The following KCNQ1OT1 variants were observed in gnomAD, a reference collection of about 807,000 sequenced individuals.
KCNQ1OT1 encodes the protein KCNQ1 antisense RNA 2 (non-protein coding).
exon 1 of KCNQ1OT1, chr11:2,655,836 C>A (rs1849837181): frequency 5.0e-6 from 2 of 398,662 alleles, no homozygotes; most frequent in Non-Finnish European, 8.8e-6. Context: ...CAGACAATAA[C>A]CTCTCCTCTT....
rs755636857 is a variant in KCNQ1OT1, at chr11:2,670,288, CATAGGTGCCCA to C, written n.29696_29706del. 30 of 398,456 alleles carry C rather than the reference CATAGGTGCCCA, an allele frequency of 7.5e-5. No homozygotes were observed. Among genetic ancestry groups the C allele is most frequent in the Admixed American group, 7.5e-4 (17 of 22,712 alleles). The allele number at this position is 398,456 out of a possible 1,614,324, so 24.7% of individuals were successfully genotyped here. ...CATGGTAGCTTGTCTCTAGGCAACCCATAGGTGCCCAATGGAGAGATAATCTCAAATATGGT... is the reference window on the plus strand; with the variant it reads ...CATGGTAGCTTGTCTCTAGGCAACCCATGGAGAGATAATCTCAAATATGGT... On this transcript the variant is annotated non_coding_transcript_exon_variant, in exon 1 of 1. Transcript: ENST00000597346. The surrounding 1 kb of genome is among the most constrained non-coding windows in gnomAD (Gnocchi z 4.9).
exon 1 of KCNQ1OT1, chr11:2,689,336 G>A (rs576569005): frequency 5.0e-6 from 2 of 398,692 alleles, no homozygotes; most frequent in African/African-American, 4.1e-5. Flanking sequence ...CCTATCCGCA[G>A]AGCTTGAGGC....
chr11:2,647,746 A>C lies in KCNQ1OT1; in HGVS notation n.52249T>G, dbSNP rs1013886119. 4.0e-5 allele frequency: 16 copies of C among 398,150 alleles called. No homozygotes were observed. Among genetic ancestry groups the C allele is most frequent in the South Asian group, 1.3e-4 (1 of 7,858 alleles). 24.7% of individuals were successfully genotyped at this position (398,150 alleles called of 1,614,324 possible). On this transcript the variant is annotated non_coding_transcript_exon_variant, in exon 1 of 1. Transcript: ENST00000597346. The surrounding 1 kb of genome is among the most constrained non-coding windows in gnomAD (Gnocchi z 4.0). ...GGAGGTTATATATGTCCAGGAATTT[A>C]TCTCTTTCCTCTAGGTTTTCTAATT...
Position 2,662,557 on chromosome 11 carries a change from CCT to C in KCNQ1OT1, n.37436_37437del, listed in dbSNP as rs1397198046. ...TTCCACGCCTTCCAGTTGGCCTTCC[CCT>C]GAGGCACAGCTGGCCTGGGATGCAT... On this transcript the variant is annotated non_coding_transcript_exon_variant, in exon 1 of 1. Coordinates refer to ENST00000597346, the Ensembl canonical transcript of KCNQ1OT1. The C allele has an allele frequency of 9.3e-6, 4 of 428,480 alleles. No individual in the cohort carries two copies. The South Asian group carries it at 3.5e-4, about 37-fold the overall frequency. The allele number at this position is 428,480 out of a possible 1,614,324, so 26.5% of individuals were successfully genotyped here.
In KCNQ1OT1 at chr11:2,653,997, C is replaced by T. The variant is rs1849797498; in HGVS notation, n.45998G>A. On this transcript the variant is annotated non_coding_transcript_exon_variant, in exon 1 of 1. Coordinates refer to ENST00000597346, the Ensembl canonical transcript of KCNQ1OT1. The surrounding 1 kb of genome is among the most constrained non-coding windows in gnomAD (Gnocchi z 5.3). ...GTATTTTCCTAAGCGGAACTGGGTGCCAGCTGTGAATATACATTTTCACTC... is the reference window on the plus strand; with the variant it reads ...GTATTTTCCTAAGCGGAACTGGGTGTCAGCTGTGAATATACATTTTCACTC... 2.5e-6 allele frequency: 1 copy of T among 398,636 alleles called. No homozygotes were observed. The highest frequency in any genetic ancestry group is 4.4e-6 in the Non-Finnish European group (1 of 226,076). 24.7% of individuals were successfully genotyped at this position (398,636 alleles called of 1,614,324 possible).
At chr11:2,640,298 C>G in exon 1 of KCNQ1OT1, 2 of 398,286 alleles carry the variant, frequency 5.0e-6, no homozygotes, top group Non-Finnish European at 8.8e-6. Flanking sequence ...TTCTGCGTCA[C>G]TCACGCTGGG....
At position 2,643,510 on chromosome 11, in the gene KCNQ1OT1, T is replaced by G. The variant is rs1849612112; in HGVS notation, n.56485A>C. 1.3e-5 allele frequency: 5 copies of G among 398,520 alleles called. No individual in the cohort carries two copies. In the South Asian group the frequency reaches 6.4e-4, roughly 51 times the overall value. The allele number at this position is 398,520 out of a possible 1,614,324, so 24.7% of individuals were successfully genotyped here. ...TTTGTTTCCTTTTGCATGTAATATC[T>G]TTTCCCATTCCTTTCTTTCAACTAT... is the stretch of plus-strand genomic sequence containing the variant. On this transcript the variant is annotated non_coding_transcript_exon_variant, in exon 1 of 1. Transcript: ENST00000597346.
exon 1 of KCNQ1OT1, chr11:2,684,385 T>A (rs1450443552): frequency 2.5e-6 from 1 of 398,574 alleles, no homozygotes; most frequent in Admixed American, 4.4e-5. Context: ...CAAGCTCCAG[T>A]GGGGTCCATC....
In KCNQ1OT1 at chr11:2,652,151, G is replaced by A. The variant is rs991162872; in HGVS notation, n.47844C>T. The A allele has an allele frequency of 2.3e-5, 9 of 398,480 alleles. No individual in the cohort carries two copies. In the East Asian group the frequency reaches 2.8e-4, roughly 13 times the overall value. 24.7% of individuals were successfully genotyped at this position (398,480 alleles called of 1,614,324 possible). ...AGGGACCTGTGTTTCTCAAGCCCGCGCCCTCGGGGCCTGGGGGTGGGGCCC... is the reference window on the plus strand; with the variant it reads ...AGGGACCTGTGTTTCTCAAGCCCGCACCCTCGGGGCCTGGGGGTGGGGCCC... On this transcript the variant is annotated non_coding_transcript_exon_variant, in exon 1 of 1. Coordinates refer to ENST00000597346, the Ensembl canonical transcript of KCNQ1OT1. The surrounding 1 kb of genome is among the most constrained non-coding windows in gnomAD (Gnocchi z 5.9).
exon 1 of KCNQ1OT1, chr11:2,672,740 CT>C: frequency 2.5e-6 from 1 of 398,876 alleles, no homozygotes; most frequent in Non-Finnish European, 4.4e-6. Context: ...AAGTTCTATG[CT>C]TTTTTGCTGG....
At position 2,673,812 on chromosome 11, in the gene KCNQ1OT1, C is replaced by T. The variant is rs7105073; in HGVS notation, n.26183G>A. On this transcript the variant is annotated non_coding_transcript_exon_variant, in exon 1 of 1. Coordinates refer to ENST00000597346, the Ensembl canonical transcript of KCNQ1OT1. This position sits in a 1 kb window ranked among gnomAD's most constrained non-coding sequence, Gnocchi z 4.5. ...CAAAGGGCAGTGATGGCCCTTCAAT[C>T]CCAGGCCCACAAGCACCACAGCCAG... 34,192 of 398,594 alleles carry T rather than the reference C, an allele frequency of 0.086. 1,782 individuals are homozygous for T. The highest frequency in any genetic ancestry group is 0.12 in the African/African-American group (5,721 of 48,678). The allele number at this position is 398,594 out of a possible 1,614,324, so 24.7% of individuals were successfully genotyped here.
chr11:2,633,857 G>A (rs778366647), exon 1 of KCNQ1OT1: 39 of 398,386 alleles, frequency 9.8e-5, no homozygotes, highest in Non-Finnish European at 1.5e-4. Flanking sequence ...TGTGTAATGC[G>A]CATATACAAA....
At chr11:2,614,283 A>G (rs1334281428) in exon 1 of KCNQ1OT1, 5 of 398,464 alleles carry the variant, frequency 1.3e-5, no homozygotes, top group East Asian at 3.6e-5. Context: ...CCATGTTGAC[A>G]TTTAATATAG....
In KCNQ1OT1 at chr11:2,669,356, G is replaced by A. The variant is rs1850141652; in HGVS notation, n.30639C>T. ...CGCAGCAGCCTCTAGATGGGCATGG[G>A]AGAATGGGTATCCTTATAGTTTTGG... On this transcript the variant is annotated non_coding_transcript_exon_variant, in exon 1 of 1. Transcript: ENST00000597346. The surrounding 1 kb of genome is among the most constrained non-coding windows in gnomAD (Gnocchi z 5.6). 1 of 398,646 alleles carries A rather than the reference G, an allele frequency of 2.5e-6. No homozygotes were observed. The highest frequency in any genetic ancestry group is 4.4e-6 in the Non-Finnish European group (1 of 226,078). The allele number at this position is 398,646 out of a possible 1,614,324, so 24.7% of individuals were successfully genotyped here.
chr11:2,685,582 C>T (rs201777903), exon 1 of KCNQ1OT1: 2 of 398,696 alleles, frequency 5.0e-6, no homozygotes, highest in East Asian at 3.6e-5. Context: ...CCATACAGCA[C>T]ATGACAGGAA....
chr11:2,633,014 A>C (rs973806378), exon 1 of KCNQ1OT1: 1 of 398,392 alleles, frequency 2.5e-6, no homozygotes, highest in African/African-American at 2.1e-5. Context: ...ATAATGACTC[A>C]CTAATTTATA....
chr11:2,662,690 G>A (rs1416438067), exon 1 of KCNQ1OT1: 2 of 403,234 alleles, frequency 5.0e-6, no homozygotes, highest in South Asian at 1.2e-4. Context: ...GCCCAGCGGT[G>A]ACAGCCGTGC....
At position 2,613,557 on chromosome 11, in the gene KCNQ1OT1, G is replaced by A. The variant is rs1031801335; in HGVS notation, n.86438C>T. 6 of 398,472 alleles carry A rather than the reference G, an allele frequency of 1.5e-5. No individual in the cohort carries two copies. The highest frequency in any genetic ancestry group is 2.7e-5 in the Non-Finnish European group (6 of 226,010). 24.7% of individuals were successfully genotyped at this position (398,472 alleles called of 1,614,324 possible). On this transcript the variant is annotated non_coding_transcript_exon_variant, in exon 1 of 1. Transcript: ENST00000597346. This position sits in a 1 kb window ranked among gnomAD's most constrained non-coding sequence, Gnocchi z 4.8. ...TAAATCATAACCCTGCTATTCTTAG[G>A]AAGGCTTAATATTTTTTCTTTAATT...
exon 1 of KCNQ1OT1, chr11:2,630,863 G>A (rs142657564): frequency 2.5e-6 from 1 of 398,474 alleles, no homozygotes; most frequent in Non-Finnish European, 4.4e-6. Context: ...AGTATTCTTA[G>A]ATGGCAGTTT....
Sources: gnomAD v4.1 joint callset for allele counts on GRCh38, gnomAD v4.1.1 for gene constraint, Gnocchi (gnomAD v3.1) non-coding constraint, MANE v1.5 for transcripts, NCBI Gene and HGNC (gene_info 2026-07-23, HGNC 2026-07-21) for gene names.